The following BEST1 variants were observed in gnomAD, a reference collection of about 807,000 sequenced individuals.
The protein encoded by BEST1 is bestrophin 1.
BEST1 carries 58 observed loss-of-function variants against 63.3 expected under a neutral mutation model. That is an observed-to-expected ratio of 0.92 (90% confidence interval 0.74 to 1.14). The LOEUF (loss-of-function observed/expected upper bound fraction) is 1.14, where lower values mean the gene tolerates loss of function less well. Among genes scored for constraint, BEST1 ranks in the 50% most tolerant of loss-of-function variants. The pLI is 0.00. For synonymous variants in BEST1, 283 were observed against 291.6 expected (o/e 0.97, Z 0.30); for missense variants, 671 against 740.1 (o/e 0.91, Z 1.08).
chr11:61,959,953 A>G lies in BEST1; in HGVS notation c.1010A>G (p.Tyr337Cys). 1.2e-6 allele frequency: 2 copies of G among 1,613,026 alleles called. No individual in the cohort carries two copies. Among genetic ancestry groups the G allele is most frequent in the Non-Finnish European group, 1.7e-6 (2 of 1,179,642 alleles). The change falls in exon 9 of 11, where the codon TAC (tyrosine) becomes TGC (cysteine). Residue 337 changes from tyrosine (Y) to cysteine (C), a missense_variant. By Grantham distance (194) the Tyr-to-Cys change is radical (BLOSUM62 -2). Transcript: ENST00000378043. ...QDLPRMEPDM[Y>C]WNKPEPQPPY... The stretch of plus-strand genomic sequence containing the variant: ...CTGCCTCGGATGGAGCCGGACATGT[A>G]CTGGAATAAGCCCGAGCCACAGCCC...
chr11:61,954,760 G>A (rs2134423371), intron 2 of BEST1: 1 of 981,278 alleles, frequency 1.0e-6, no homozygotes, highest in Non-Finnish European at 1.2e-6. Context: ...CAAACACTCT[G>A]TTTCGACCTG....
chr11:61,951,656 C>T, intron 1 of BEST1, 115 bp from the exon 2 acceptor site: 1 of 1,064,478 alleles, frequency 9.4e-7, no homozygotes, highest in Non-Finnish European at 1.4e-6. Flanking sequence ...CCACTTCATC[C>T]ACCTCCTAGG....
chr11:61,955,807 T>A lies in BEST1; in HGVS notation c.337T>A (p.Phe113Ile). 2.6e-6 allele frequency: 4 copies of A among 1,550,466 alleles called. No individual in the cohort carries two copies. Among genetic ancestry groups the A allele is most frequent in the Non-Finnish European group, 3.5e-6 (4 of 1,146,940 alleles). The stretch of plus-strand genomic sequence containing the variant: ...CCGCCTCATGAGCCTGGTGTCGGGC[T>A]TCGTCGAAGGCAAGGACGAGCAAGG... ...PDRLMSLVSG[F>I]VEGKDEQGRL... Residue 113 changes from phenylalanine (F) to isoleucine (I), a missense_variant, in exon 4 of 11, where the codon TTC (phenylalanine) becomes ATC (isoleucine). By Grantham distance (21) the Phe-to-Ile change is conservative (BLOSUM62 0). Coordinates refer to ENST00000378043, the MANE Select transcript of BEST1 (RefSeq NM_004183.4).
chr11:61,952,065 C>G, intron 2 of BEST1, 107 bp downstream of exon 2: 1 of 1,356,960 alleles, frequency 7.4e-7, no homozygotes. Flanking sequence ...CAGTTCACTA[C>G]AAGACTAAGC....
chr11:61,961,929 T>G, intron 9 of BEST1: 1 of 382,172 alleles, frequency 2.6e-6, no homozygotes, highest in South Asian at 2.7e-5. Context: ...AGGGCACCAG[T>G]GTTTCTGACT....
rs1941609122 is a variant in BEST1 at position 61,958,211 on chromosome 11, A to C, written c.780A>C (p.Pro260=). The C allele has an allele frequency of 1.2e-6, 2 of 1,614,004 alleles. No individual in the cohort carries two copies. Among genetic ancestry groups the C allele is most frequent in the African/African-American group, 2.7e-5 (2 of 74,908 alleles). ...TAGTTGGGCGGCAGTTTCTGAACCC[A>C]GCCAAGGCCTACCCTGGCCATGAGC... The part of the protein sequence containing the change: ...TCLVGRQFLN[P]AKAYPGHELD... The change falls in exon 7 of 11, where the codon CCA becomes CCC. Residue 260 remains proline (P), a synonymous_variant. Coordinates refer to ENST00000378043, the MANE Select transcript of BEST1 (RefSeq NM_004183.4).
At position 61,955,170 on chromosome 11, in the gene BEST1, C is replaced by T. The variant is rs1565386839; in HGVS notation, c.216C>T (p.Tyr72=). Residue 72 remains tyrosine, a synonymous_variant, in exon 3 of 11, where the codon TAC becomes TAT. Transcript: ENST00000378043. ...FEKLTLYCDS[Y]IQLIPISFVL... is the part of the protein sequence containing the mutation. ...AACTGACTCTGTATTGCGACAGCTA[C>T]ATCCAGCTCATCCCCATTTCCTTCG... 6.2e-7 allele frequency: 1 copy of T among 1,614,208 alleles called. No homozygotes were observed. The highest frequency in any genetic ancestry group is 8.5e-7 in the Non-Finnish European group (1 of 1,180,032).
chr11:61,951,696 AG>A, intron 1 of BEST1, 74 bp from the exon 2 acceptor site: 1 of 1,461,434 alleles, frequency 6.8e-7, no homozygotes, highest in South Asian at 1.2e-5. Flanking sequence ...GGTCCAGAGC[AG>A]GGAAGGGTCC....
At chr11:61,964,467 T>C (rs946301385), downstream of BEST1, 7 of 615,066 alleles carry the variant, frequency 1.1e-5, no homozygotes, top group African/African-American at 1.3e-4. Context: ...TCGTTTCTTT[T>C]TGATTAGTGT....
At chr11:61,958,539 A>C in intron 7 of BEST1, 1 of 974,000 alleles carries the variant, frequency 1.0e-6, no homozygotes, top group Non-Finnish European at 1.6e-6. Context: ...CAGCCTGGGC[A>C]AAAGAATGAA....
At position 61,955,402 on chromosome 11, in the gene BEST1, C is replaced by T. The variant is rs1228614475; in HGVS notation, c.247+201C>T. ...TTAGACGTTAGGTAAGACGTCCTGC[C>T]GTTAGCAATGAAAACCCCATTTTCT... On this transcript the variant is annotated intron_variant, in intron 3 of 10. Coordinates refer to ENST00000378043, the MANE Select transcript of BEST1 (RefSeq NM_004183.4). The T allele has an allele frequency of 9.7e-6, 14 of 1,442,496 alleles. 1 individual carries two copies. In the South Asian group the frequency reaches 2.0e-4, roughly 21 times the overall value. The allele number at this position is 1,442,496 out of a possible 1,614,324, so 89.4% of individuals were successfully genotyped here.
intron 9 of BEST1, chr11:61,960,257 G>C (rs886620315): frequency 8.6e-6 from 6 of 697,888 alleles, no homozygotes; most frequent in African/African-American, 7.2e-5. Flanking sequence ...GGTTCAGAGA[G>C]AGTAAGTTGT....
chr11:61,957,071 C>G, intron 5 of BEST1, 73 bp downstream of exon 5: 9 of 1,603,886 alleles, frequency 5.6e-6, no homozygotes, highest in Non-Finnish European at 7.7e-6. Context: ...AGGTTTCCTA[C>G]AAAGAGAAGC....
upstream of BEST1, chr11:61,949,821 A>C (rs1435025286): frequency 6.6e-6 from 1 of 152,272 alleles, no homozygotes; most frequent in Non-Finnish European, 1.5e-5. Context: ...CATCCTTTTC[A>C]GATAAGGGCA....
chr11:61,962,762 T>C lies in BEST1; in HGVS notation c.1608T>C (p.Thr536=), dbSNP rs1800009. ...AAGTATCTCAAGTGAGGAGGAAAAC[T>C]GTGGAGTTTAACCTGACGGATATGC... is the stretch of plus-strand genomic sequence containing the variant. ...HPEVSQVRRK[T]VEFNLTDMPE... Residue 536 remains threonine (T), a synonymous_variant, in exon 10 of 11, where the codon ACT becomes ACC. Transcript: ENST00000378043. 636,696 of 1,613,872 alleles carry C rather than the reference T, an allele frequency of 0.39. 138,198 individuals are homozygous for C. The highest frequency in any genetic ancestry group is 0.9 in the East Asian group (40,364 of 44,864).
intron 9 of BEST1, 60 bp from the exon 10 acceptor site, chr11:61,962,195 A>C (rs1404019818): frequency 1.3e-6 from 2 of 1,584,936 alleles, no homozygotes; most frequent in South Asian, 1.1e-5. Context: ...AGGGAGAAGT[A>C]AGGCCAGGTG....
At chr11:61,958,428 C>G (rs775613475) in intron 7 of BEST1, 130 bp downstream of exon 7, 1 of 1,549,166 alleles carries the variant, frequency 6.5e-7, no homozygotes. Flanking sequence ...GGCGTGGTGG[C>G]GCACACCTGT....
rs1941618250 is a variant in BEST1 at position 61,958,278 on chromosome 11, T to C, written c.847T>C (p.Phe283Leu). 1 of 1,614,112 alleles carries C rather than the reference T, an allele frequency of 6.2e-7. No individual in the cohort carries two copies. The highest frequency in any genetic ancestry group is 1.7e-5 in the Admixed American group (1 of 60,014). Residue 283 changes from phenylalanine (F) to leucine (L), a missense_variant, in exon 7 of 11, where the codon TTC becomes CTC. Physicochemically the swap from Phe to Leu is conservative, Grantham distance 22. Transcript: ENST00000378043. The stretch of plus-strand genomic sequence containing the variant: ...CGTCTTCACGTTCCTGCAGTTCTTC[T>C]TCTATGTTGGCTGGCTGAAGGTGGG... ...VPVFTFLQFF[F>L]YVGWLKVAEQ...
At chr11:61,952,432 C>T (rs1173501672) in intron 2 of BEST1, among the ~76,000 whole-genome samples, 2 of 149,300 alleles carry the variant, frequency 1.3e-5, no homozygotes, top group Admixed American at 6.7e-5. Context: ...CAGGTGTGAG[C>T]TACTGCACTT....
Sources: gnomAD v4.1 joint callset for allele counts (sites outside exome capture counted in the v4.1 genomes callset) on GRCh38, gnomAD v4.1.1 for gene constraint, MANE v1.5 for transcripts, NCBI Gene and HGNC (gene_info 2026-07-23, HGNC 2026-07-21) for gene names.